SCARB1: variants seen among roughly 807,000 people sequenced by gnomAD.
SCARB1 encodes the protein CD36 and LIMPII analogous 1.
In SCARB1, 30 loss-of-function variants were observed where a neutral mutation model predicts 57.2. The observed-to-expected ratio is 0.52, with a 90% CI of 0.39 to 0.71. SCARB1 has a LOEUF of 0.71. SCARB1 is among the 30% of genes least tolerant of loss of function. The pLI is 0.00. For synonymous variants in SCARB1, 249 were observed against 268.3 expected, an observed-to-expected ratio of 0.93 and a Z score of 0.70; for missense variants, 543 against 671.2, an observed-to-expected ratio of 0.81 and a Z score of 2.11.
rs558633224 is a variant in SCARB1 at position 124,797,179 on chromosome 12, CT to C, written c.1129-1912del. Among the ~76,000 whole-genome samples the C allele has an allele frequency of 9.9e-3, 1,501 of 152,312 alleles. 38 individuals carry two copies. The highest frequency in any genetic ancestry group is 0.013 in the Non-Finnish European group (899 of 68,020). On this transcript the variant is annotated intron_variant, in intron 8 of 12. Coordinates refer to ENST00000261693, the MANE Select transcript of SCARB1 (RefSeq NM_005505.5). ...ATTAAGTGCATCCTGTAGGAACCCC[CT>C]GGAAGAGGACTCTGGAAGCTCCAGC...
chr12:124,795,874 AT>A (rs1308920202), intron 8 of SCARB1, among the ~76,000 whole-genome samples: 3 of 152,084 alleles, frequency 2.0e-5, no homozygotes, highest in South Asian at 2.1e-4. Flanking sequence ...AGAGCCTAAT[AT>A]TTTTTTCCTT....
intron 7 of SCARB1, among the ~76,000 whole-genome samples, chr12:124,801,280 CAGGGGCTGGGGG>C (rs1396238906): frequency 6.6e-6 from 1 of 151,238 alleles, no homozygotes; most frequent in African/African-American, 2.4e-5. Flanking sequence ...GGGTGGTGAC[CAGGGGCTGGGGG>C]AGGGGGCGGG....
rs147709866 is a variant in SCARB1, at chr12:124,786,050, G to A, written c.1401+307C>T. ...CCCCTAACAGAACCTGGCATCCCCGGGTGCTGACTTGATGAATGGATGATG... is the reference window on the plus strand; with the variant it reads ...CCCCTAACAGAACCTGGCATCCCCGAGTGCTGACTTGATGAATGGATGATG... On this transcript the variant is annotated intron_variant, in intron 11 of 12. Transcript: ENST00000261693. 254 of 1,510,416 alleles carry A rather than the reference G, an allele frequency of 1.7e-4. 4 individuals carry two copies. The East Asian group carries it at 6.3e-3, about 37-fold the overall frequency. 93.6% of individuals were successfully genotyped at this position (1,510,416 alleles called of 1,614,324 possible). A position where few individuals can be genotyped will look rare whatever the true frequency, so the allele number is the denominator to read the frequency against.
intron 1 of SCARB1, among the ~76,000 whole-genome samples, chr12:124,838,973 C>T (rs1296329078): frequency 1.3e-5 from 2 of 151,920 alleles, no homozygotes; most frequent in African/African-American, 4.8e-5. Context: ...CGGGGTTTCA[C>T]CATCTTGGCC....
rs1952141378 is a variant in SCARB1, at chr12:124,846,144, T to C, written c.126+17451A>G. On this transcript the variant is annotated intron_variant, in intron 1 of 12. Transcript: ENST00000261693. ...AATGGGCAATTCTACTTGGGAGGGA[T>C]GGAAATGTTTTGAAACTAGGTAGAA... Among the ~76,000 whole-genome samples the C allele has an allele frequency of 2.0e-5, 3 of 152,146 alleles. No homozygotes were observed. The South Asian group carries it at 6.2e-4, about 32-fold the overall frequency.
In SCARB1 at chr12:124,814,359, A is replaced by G; in HGVS notation, c.473T>C (p.Ile158Thr). The G allele has an allele frequency of 6.8e-6, 11 of 1,614,106 alleles. No individual in the cohort carries two copies. The highest frequency in any genetic ancestry group is 8.5e-6 in the Non-Finnish European group (10 of 1,180,038). ...MENKPMTLKL[I>T]MTLAFTTLGE... ...GAGGGTGGTGAATGCCAAGGTCATGATGAGCTTCAGGGTCATGGGCTTATT... is the reference window on the plus strand; with the variant it reads ...GAGGGTGGTGAATGCCAAGGTCATGGTGAGCTTCAGGGTCATGGGCTTATT... The change falls in exon 4 of 13, where the codon ATC becomes ACC. Residue 158 changes from isoleucine to threonine, a missense_variant. Transcript: ENST00000261693. The surrounding 1 kb of genome is among the most constrained non-coding windows in gnomAD (Gnocchi z 4.7).
chr12:124,786,928 T>C (rs1949547136), intron 10 of SCARB1, among the ~76,000 whole-genome samples: 1 of 152,130 alleles, frequency 6.6e-6, no homozygotes, highest in African/African-American at 2.4e-5. Context: ...CGGAGGCTTG[T>C]TTGTCCTGGC....
At chr12:124,832,692 TG>T (rs1245761986) in intron 1 of SCARB1, among the ~76,000 whole-genome samples, 2 of 152,216 alleles carry the variant, frequency 1.3e-5, no homozygotes, top group African/African-American at 4.8e-5. Flanking sequence ...AAGGTCTTTT[TG>T]TAAAAACACT....
Position 124,814,939 on chromosome 12 carries a change from G to A in SCARB1, c.426+34C>T, listed in dbSNP as rs1321882067. On this transcript the variant is annotated intron_variant, in intron 3 of 12. Coordinates refer to ENST00000261693, the MANE Select transcript of SCARB1 (RefSeq NM_005505.5). The surrounding 1 kb of genome is among the most constrained non-coding windows in gnomAD (Gnocchi z 4.7). ...AGGAGAGACAGGGGACGAGGTCAGG[G>A]TGCGAGGCGGCGTGGGCCACAGGGC... is the stretch of plus-strand genomic sequence containing the variant. 4 of 1,613,510 alleles carry A rather than the reference G, an allele frequency of 2.5e-6. No individual in the cohort carries two copies. The highest frequency in any genetic ancestry group is 3.4e-6 in the Non-Finnish European group (4 of 1,179,836).
chr12:124,796,192 G>A lies in SCARB1; in HGVS notation c.1129-924C>T, dbSNP rs1385100921. On this transcript the variant is annotated intron_variant, in intron 8 of 12. Coordinates refer to ENST00000261693, the MANE Select transcript of SCARB1 (RefSeq NM_005505.5). The surrounding 1 kb of genome is among the most constrained non-coding windows in gnomAD (Gnocchi z 4.0). ...TGGTCTCAAACTCCTGGCAGCAAGC[G>A]AACTGCCCACCTTGGCCTCCCAAAG... Among the ~76,000 whole-genome samples the A allele has an allele frequency of 1.3e-5, 2 of 152,312 alleles. No homozygotes were observed. The highest frequency in any genetic ancestry group is 2.9e-5 in the Non-Finnish European group (2 of 68,016).
intron 1 of SCARB1, among the ~76,000 whole-genome samples, chr12:124,820,203 G>A (rs545433936): frequency 8.7e-4 from 132 of 152,206 alleles, no homozygotes; most frequent in African/African-American, 3.1e-3. Context: ...GAGCATTTCC[G>A]GGGTGCGCCA....
rs923466904 is a variant in SCARB1 at position 124,800,097 on chromosome 12, C to G, written c.1128+27G>C. Reference sequence around the variant, plus strand: ...TGTGCTCCAACCAGGAATCACCCACCCCCCACAGAGGATGGCAGGGGCTCA... The same window carrying G: ...TGTGCTCCAACCAGGAATCACCCACGCCCCACAGAGGATGGCAGGGGCTCA... On this transcript the variant is annotated intron_variant, in intron 8 of 12. Coordinates refer to ENST00000261693, the MANE Select transcript of SCARB1 (RefSeq NM_005505.5). This position sits in a 1 kb window ranked among gnomAD's most constrained non-coding sequence, Gnocchi z 4.8. 1 of 1,541,646 alleles carries G rather than the reference C, an allele frequency of 6.5e-7. No homozygotes were observed. The highest frequency in any genetic ancestry group is 9.0e-7 in the Non-Finnish European group (1 of 1,114,834).
At chr12:124,784,777 A>C (rs838892) in intron 11 of SCARB1, 97,504 of 152,320 alleles carry the variant, frequency 0.64, 31,749 homozygotes, top group South Asian at 0.76. Flanking sequence ...TTTCCTGATG[A>C]CCTGCCAGTG....
Position 124,863,830 on chromosome 12 carries a change from AGGCACGGTG to A in SCARB1, c.-119_-111del, listed in dbSNP as rs1953006516. 3.1e-6 allele frequency: 4 copies of A among 1,293,078 alleles called. No individual in the cohort carries two copies. In the East Asian group the frequency reaches 1.2e-4, roughly 40 times the overall value. The allele number at this position is 1,293,078 out of a possible 1,614,324, so 80.1% of individuals were successfully genotyped here. A position where few individuals can be genotyped will look rare whatever the true frequency, so the allele number is the denominator to read the frequency against. On this transcript the variant is annotated 5_prime_UTR_variant, in exon 1 of 13. Coordinates refer to ENST00000261693, the MANE Select transcript of SCARB1 (RefSeq NM_005505.5). ...GGGACTCCGGGCACGCAGGCCGCAG[AGGCACGGTG>A]GATCCGGGACGGCAGCGCACGCAGG...
At chr12:124,854,770 C>A in intron 1 of SCARB1, among the ~76,000 whole-genome samples, 1 of 152,086 alleles carries the variant, frequency 6.6e-6, no homozygotes, top group Non-Finnish European at 1.5e-5. Context: ...GAGTGGGAAG[C>A]TGGTGGGAGC....
chr12:124,792,721 CAAA>C (rs930596389), intron 9 of SCARB1, among the ~76,000 whole-genome samples: 2 of 31,736 alleles, frequency 6.3e-5, no homozygotes, highest in Admixed American at 2.9e-4. Flanking sequence ...GACTTCGTCT[CAAA>C]AAAAAAAAAA....
At chr12:124,863,861 CAGGA>C in exon 1 of SCARB1, 1 of 1,094,556 alleles carries the variant, frequency 9.1e-7, no homozygotes, top group Non-Finnish European at 1.2e-6. Flanking sequence ...GCAGCGCACG[CAGGA>C]GCAGCCCGGC....
chr12:124,826,348 A>T (rs1466344400), intron 1 of SCARB1, among the ~76,000 whole-genome samples: 3 of 151,710 alleles, frequency 2.0e-5, no homozygotes, highest in Non-Finnish European at 4.4e-5. Context: ...AAAAAAAAAA[A>T]AGAGGTGACT....
chr12:124,779,880 C>T (rs898907703), intron 12 of SCARB1, among the ~76,000 whole-genome samples: 13 of 152,122 alleles, frequency 8.5e-5, no homozygotes, highest in East Asian at 3.9e-4. Context: ...GAGCCAGGCG[C>T]GGGGGAGGTC....
Sources: allele counts gnomAD v4.1 joint callset (sites outside exome capture counted in the v4.1 genomes callset), GRCh38; gene constraint gnomAD v4.1.1; non-coding constraint Gnocchi (gnomAD v3.1); transcripts MANE v1.5; gene names NCBI Gene and HGNC (gene_info 2026-07-23, HGNC 2026-07-21).